Variants in APAF1 observed in about 807,000 individuals in gnomAD.
The protein encoded by APAF1 is apoptotic protease-activating factor 1.
APAF1 carries 91 observed loss-of-function variants against 152.4 expected under a neutral mutation model. The ratio of observed to expected loss-of-function variants is 0.60; its 90% CI spans 0.50 to 0.71. APAF1 has a LOEUF of 0.71. Ranked by LOEUF, APAF1 falls within the 30% of genes least tolerant of loss-of-function variation. The pLI, the probability that APAF1 is intolerant of heterozygous loss-of-function variation, is 0.00. For synonymous variants in APAF1, 484 were observed against 494.1 expected (o/e 0.98, Z 0.27); for missense variants, 1,283 against 1,472.0 (o/e 0.87, Z 2.10).
At chr12:98,702,841 C>CAAAAA (rs201068873) in intron 17 of APAF1, among the ~76,000 whole-genome samples, 2 of 81,168 alleles carry the variant, frequency 2.5e-5, no homozygotes, top group South Asian at 4.1e-4. Context: ...AAGTCTGTCT[C>CAAAAA]AAAAAAAAAA....
Position 98,665,278 on chromosome 12 carries a change from A to ATATTTT in APAF1, c.956-274_956-273insATTTTT, listed in dbSNP as rs1491316422. Among the ~76,000 whole-genome samples, 320 of 65,956 alleles carry ATATTTT rather than the reference A, an allele frequency of 4.9e-3. 3 individuals carry two copies. Among genetic ancestry groups the ATATTTT allele is most frequent in the African/African-American group, 0.017 (301 of 17,698 alleles). The allele number at this position is 65,956 out of a possible 152,430, so 43.3% of individuals were successfully genotyped here. On this transcript the variant is annotated intron_variant, in intron 7 of 26. Coordinates refer to ENST00000551964, the MANE Select transcript of APAF1 (RefSeq NM_181861.2). ...CGCATATATATATATATATATATATATTTTTTTTTTTTTTTGTAATGACAT... is the reference window on the plus strand; with the variant it reads ...CGCATATATATATATATATATATATATATTTTTTTTTTTTTTTTTTTGTAATGACAT...
chr12:98,654,938 A>G (rs1245415742), intron 4 of APAF1, among the ~76,000 whole-genome samples: 1 of 125,992 alleles, frequency 7.9e-6, no homozygotes, highest in Non-Finnish European at 1.6e-5. Flanking sequence ...AAACAAGTGA[A>G]CAAAGGTCTC....
rs2097762379 is a variant in APAF1, at chr12:98,731,926, G to T, written c.3601-494G>T. On this transcript the variant is annotated intron_variant, in intron 26 of 26. Coordinates refer to ENST00000551964, the MANE Select transcript of APAF1 (RefSeq NM_181861.2). ...ATTTTATAAAGAAACTTGGTCAAGGGCTCTTGCATCACACCTGGGGAAAGG... is the reference window on the plus strand; with the variant it reads ...ATTTTATAAAGAAACTTGGTCAAGGTCTCTTGCATCACACCTGGGGAAAGG... Among the ~76,000 whole-genome samples, 3 of 152,256 alleles carry T rather than the reference G, an allele frequency of 2.0e-5. No individual in the cohort carries two copies. In the South Asian group the frequency reaches 6.2e-4, roughly 32 times the overall value.
chr12:98,651,748 C>G (rs1490787470), intron 4 of APAF1, among the ~76,000 whole-genome samples: 1 of 152,152 alleles, frequency 6.6e-6, no homozygotes, highest in Admixed American at 6.6e-5. Flanking sequence ...CAGCCTCAAA[C>G]TTTTAGGCTC....
rs1388334814 is a variant in APAF1, at chr12:98,659,122, T to C, written c.527-38T>C. 16 of 1,598,898 alleles carry C rather than the reference T, an allele frequency of 1.0e-5. No homozygotes were observed. The Middle Eastern group carries it at 5.0e-4, about 50-fold the overall frequency. Reference sequence around the variant, plus strand: ...AAAACCATTTAAAGGAGTACTCCTGTTGAAAGGCCTTAAGTTCATTATTCT... The same window carrying C: ...AAAACCATTTAAAGGAGTACTCCTGCTGAAAGGCCTTAAGTTCATTATTCT... On this transcript the variant is annotated intron_variant, in intron 4 of 26. Coordinates refer to ENST00000551964, the MANE Select transcript of APAF1 (RefSeq NM_181861.2).
chr12:98,676,094 A>G (rs936600645), intron 12 of APAF1, among the ~76,000 whole-genome samples: 3 of 152,218 alleles, frequency 2.0e-5, no homozygotes, highest in African/African-American at 7.2e-5. Flanking sequence ...AATAAGCACA[A>G]TACTATTTGA....
chr12:98,666,105 G>T, intron 8 of APAF1, 85 bp from the exon 9 acceptor site: 2 of 1,307,236 alleles, frequency 1.5e-6, no homozygotes, highest in African/African-American at 1.5e-5. Context: ...TTAAGATACC[G>T]TTTTTTTGTG....
intron 22 of APAF1, among the ~76,000 whole-genome samples, chr12:98,720,736 C>T (rs1000769462): frequency 2.0e-5 from 3 of 152,096 alleles, no homozygotes; most frequent in Admixed American, 6.5e-5. Context: ...GAGGCCGAGG[C>T]GGGCGGATCA....
At chr12:98,659,055 G>T in intron 4 of APAF1, 105 bp from the exon 5 acceptor site, 2 of 1,112,770 alleles carry the variant, frequency 1.8e-6, no homozygotes, top group Non-Finnish European at 2.7e-6. Flanking sequence ...AGTTGAAGAT[G>T]TGATGGGATT....
intron 18 of APAF1, among the ~76,000 whole-genome samples, chr12:98,703,741 A>T (rs773008248): frequency 2.6e-5 from 4 of 152,264 alleles, no homozygotes; most frequent in Non-Finnish European, 5.9e-5. Context: ...CATTTGCTGA[A>T]TGCCTAACAT....
intron 15 of APAF1, among the ~76,000 whole-genome samples, chr12:98,685,228 C>A (rs1261859467): frequency 6.6e-6 from 1 of 152,174 alleles, no homozygotes; most frequent in Non-Finnish European, 1.5e-5. Context: ...ATTTTTTATA[C>A]TTTCCAAACC....
rs1311834024 is a variant in APAF1 at position 98,680,322 on chromosome 12, C to T, written c.1966C>T (p.His656Tyr). 6.2e-7 allele frequency: 1 copy of T among 1,613,324 alleles called. No homozygotes were observed. The highest frequency in any genetic ancestry group is 1.3e-5 in the African/African-American group (1 of 75,040). ...TGEKLLEIKA[H>Y]EDEVLCCAFS... is the part of the protein sequence containing the mutation. ...AGAGAAACTTCTAGAAATCAAGGCT[C>T]ATGAGGATGAAGTGCTTTGTTGTGC... Residue 656 changes from histidine (H) to tyrosine (Y), a missense_variant, in exon 14 of 27, where the codon CAT (histidine) becomes TAT (tyrosine). His to Tyr is a moderately conservative substitution (Grantham distance 83). Transcript: ENST00000551964.
chr12:98,695,771 G>C (rs1421124100), intron 16 of APAF1, among the ~76,000 whole-genome samples: 1 of 152,134 alleles, frequency 6.6e-6, no homozygotes, highest in Non-Finnish European at 1.5e-5. Context: ...GATTCCTCTT[G>C]ACTTAGCTTC....
At chr12:98,693,345 C>T (rs901974337) in intron 16 of APAF1, among the ~76,000 whole-genome samples, 1 of 152,052 alleles carries the variant, frequency 6.6e-6, no homozygotes, top group Non-Finnish European at 1.5e-5. Flanking sequence ...CCTTTGGCCT[C>T]AGCCTCCCAA....
chr12:98,706,449 G>A (rs749387431), intron 18 of APAF1, 36 bp from the exon 19 acceptor site: 8 of 1,612,930 alleles, frequency 5.0e-6, no homozygotes, highest in African/African-American at 2.7e-5. Context: ...AAATGCTTAT[G>A]TATGTGATTT....
chr12:98,650,371 A>G (rs772495579), intron 4 of APAF1, among the ~76,000 whole-genome samples: 2 of 152,058 alleles, frequency 1.3e-5, no homozygotes, highest in Non-Finnish European at 2.9e-5. Flanking sequence ...CTGTAATCCC[A>G]GCTACTCGGG....
chr12:98,692,519 A>G (rs995047120), intron 16 of APAF1, among the ~76,000 whole-genome samples: 1 of 152,178 alleles, frequency 6.6e-6, no homozygotes, highest in Admixed American at 6.5e-5. Flanking sequence ...TCCAGATAGC[A>G]TAGTACCCAA....
intron 12 of APAF1, among the ~76,000 whole-genome samples, chr12:98,675,922 G>T (rs2097685977): frequency 6.6e-6 from 1 of 152,148 alleles, no homozygotes; most frequent in South Asian, 2.1e-4. Flanking sequence ...GATAGTAGTG[G>T]CACCTTTATG....
intron 7 of APAF1, among the ~76,000 whole-genome samples, chr12:98,663,543 T>G (rs2097668190): frequency 6.6e-6 from 1 of 152,224 alleles, no homozygotes. Context: ...TACCTTTTAT[T>G]TGTTGTATTC....
Sources: gnomAD v4.1 joint callset for allele counts (sites outside exome capture counted in the v4.1 genomes callset) on GRCh38, gnomAD v4.1.1 for gene constraint, MANE v1.5 for transcripts, NCBI Gene and HGNC (gene_info 2026-07-23, HGNC 2026-07-21) for gene names.